LIN7A: variants seen among roughly 807,000 people sequenced by gnomAD.
LIN7A encodes the protein protein lin-7 homolog A.
In LIN7A, 25 loss-of-function variants were observed where a neutral mutation model predicts 29.8. The ratio of observed to expected loss-of-function variants is 0.84; its 90% confidence interval spans 0.61 to 1.17. The LOEUF is 1.17. LIN7A is among the 50% of genes most tolerant of loss of function. The probability of loss-of-function intolerance (pLI) is 0.00; values close to 1 mark genes in which losing one functional copy is unlikely to be tolerated. For missense variants in LIN7A, 239 were observed against 287.0 expected (o/e 0.83, Z 1.21); for synonymous variants, 118 against 107.5 (o/e 1.10, Z -0.60).
intron 5 of LIN7A, among the ~76,000 whole-genome samples, chr12:80,798,634 T>C (rs1269967900): frequency 2.0e-5 from 3 of 152,208 alleles, no homozygotes; most frequent in Admixed American, 2.0e-4. Flanking sequence ...GAAAATTTAT[T>C]GAGTGCTCAC....
chr12:80,891,393 C>T (rs143246096), intron 1 of LIN7A, among the ~76,000 whole-genome samples: 89 of 152,324 alleles, frequency 5.8e-4, no homozygotes, highest in African/African-American at 2.0e-3. Flanking sequence ...TCTTCTCGCT[C>T]ATCTCAGAAC....
chr12:80,845,820 G>A lies in LIN7A; in HGVS notation c.393C>T (p.Pro131=), dbSNP rs1388634312. Reference sequence around the variant, plus strand: ...CAGGAATTATGCGAGAGATATAAATGGGGGAATTTTGCTCCTTTCCTCCCA... The same window carrying A: ...CAGGAATTATGCGAGAGATATAAATAGGGGAATTTTGCTCCTTTCCTCCCA... ...NVMGGKEQNS[P]IYISRIIPGG... The change falls in exon 4 of 6, where the codon CCC becomes CCT. Residue 131 remains proline, a synonymous_variant. Transcript: ENST00000552864. 2 of 1,613,858 alleles carry A rather than the reference G, an allele frequency of 1.2e-6. No homozygotes were observed. The highest frequency in any genetic ancestry group is 1.7e-6 in the Non-Finnish European group (2 of 1,179,910).
In LIN7A at chr12:80,797,151, G is replaced by C. The variant is rs1243469857; in HGVS notation, c.*576C>G. 1 of 152,144 alleles carries C rather than the reference G, an allele frequency of 6.6e-6. No homozygotes were observed. The highest frequency in any genetic ancestry group is 1.5e-5 in the Non-Finnish European group (1 of 68,022). 9.4% of individuals were successfully genotyped at this position (152,144 alleles called of 1,614,324 possible). A position where few individuals can be genotyped will look rare whatever the true frequency, so the allele number is the denominator to read the frequency against. Reference sequence around the variant, plus strand: ...ATGGAAACAAAAGAAAAAGCCGATTGCTTCTAGAACCTGAAGAAAATATAA... The same window carrying C: ...ATGGAAACAAAAGAAAAAGCCGATTCCTTCTAGAACCTGAAGAAAATATAA... On this transcript the variant is annotated 3_prime_UTR_variant, in exon 6 of 6. Coordinates refer to ENST00000552864, the MANE Select transcript of LIN7A (RefSeq NM_004664.4).
chr12:80,936,635 C>T (rs1227045703), intron 1 of LIN7A: 1 of 152,474 alleles, frequency 6.6e-6, no homozygotes, highest in Non-Finnish European at 1.5e-5. Context: ...TCACTGGACG[C>T]TGGAGCCAGG....
At chr12:80,842,588 A>G (rs1057224707) in intron 4 of LIN7A, among the ~76,000 whole-genome samples, 14 of 151,824 alleles carry the variant, frequency 9.2e-5, no homozygotes, top group African/African-American at 3.1e-4. Flanking sequence ...AAATCATTCA[A>G]TCATTTGCTA....
intron 4 of LIN7A, among the ~76,000 whole-genome samples, chr12:80,841,506 T>C (rs1290690312): frequency 1.3e-5 from 2 of 152,126 alleles, no homozygotes; most frequent in East Asian, 1.9e-4. Flanking sequence ...AATCACATTA[T>C]GTTTTGTCCC....
At chr12:80,882,296 T>TTTTTTTTTTTTTTTTTTTTTC in intron 2 of LIN7A, among the ~76,000 whole-genome samples, 1 of 101,156 alleles carries the variant, frequency 9.9e-6, no homozygotes, top group Non-Finnish European at 2.6e-5. Flanking sequence ...TCTTTTTTTT[T>TTTTTTTTTTTTTTTTTTTTTC]TTTTTTGAGA....
At chr12:80,881,119 G>C (rs1015159926) in intron 2 of LIN7A, among the ~76,000 whole-genome samples, 9 of 150,280 alleles carry the variant, frequency 6.0e-5, no homozygotes, top group Non-Finnish European at 1.3e-4. Context: ...ATAAGTTTTG[G>C]TAAATTTCCA....
At chr12:80,857,739 G>T (rs1873675060) in intron 2 of LIN7A, among the ~76,000 whole-genome samples, 1 of 152,134 alleles carries the variant, frequency 6.6e-6, no homozygotes, top group African/African-American at 2.4e-5. Context: ...CATCTCCAAT[G>T]CTCAGATTAG....
At chr12:80,801,238 A>G (rs1411505258) in intron 5 of LIN7A, among the ~76,000 whole-genome samples, 1 of 152,200 alleles carries the variant, frequency 6.6e-6, no homozygotes, top group African/African-American at 2.4e-5. Context: ...TCATACACAA[A>G]CATCAAATGT....
intron 5 of LIN7A, among the ~76,000 whole-genome samples, chr12:80,806,077 T>TA (rs900296015): frequency 3.3e-5 from 5 of 151,552 alleles, no homozygotes; most frequent in South Asian, 2.1e-4. Context: ...GACTCTGTAT[T>TA]AAAAAAACAA....
intron 4 of LIN7A, among the ~76,000 whole-genome samples, chr12:80,833,092 G>A (rs1286854046): frequency 4.6e-5 from 7 of 152,174 alleles, no homozygotes; most frequent in South Asian, 2.1e-4. Flanking sequence ...GTTCTACTTC[G>A]AAATGCTGTC....
At chr12:80,842,049 G>A in intron 4 of LIN7A, 1 of 1,285,568 alleles carries the variant, frequency 7.8e-7, no homozygotes, top group Non-Finnish European at 1.0e-6. Flanking sequence ...TTCTCTTGGT[G>A]CCTAGGGATA....
chr12:80,808,201 T>C (rs1420848041), intron 5 of LIN7A, among the ~76,000 whole-genome samples: 2 of 152,232 alleles, frequency 1.3e-5, no homozygotes, highest in Non-Finnish European at 2.9e-5. Flanking sequence ...TCCTGGCTTC[T>C]TGTGATTCAG....
At chr12:80,856,931 C>A (rs1873630771) in intron 2 of LIN7A, among the ~76,000 whole-genome samples, 1 of 152,164 alleles carries the variant, frequency 6.6e-6, no homozygotes, top group Admixed American at 6.5e-5. Flanking sequence ...AACTTCCTGC[C>A]CATTGGCACA....
intron 1 of LIN7A, among the ~76,000 whole-genome samples, chr12:80,903,983 C>G (rs1229303831): frequency 6.6e-6 from 1 of 151,936 alleles, no homozygotes; most frequent in African/African-American, 2.4e-5. Context: ...AAGTATAAAT[C>G]CTAGTCCTAG....
At chr12:80,937,501 C>T (rs1592966887) in intron 1 of LIN7A, 140 bp downstream of exon 1, 2 of 490,784 alleles carry the variant, frequency 4.1e-6, no homozygotes. Context: ...CTGTTCTCGG[C>T]GCGAACGCCT....
At chr12:80,925,292 C>A (rs999661084) in intron 1 of LIN7A, among the ~76,000 whole-genome samples, 1 of 152,140 alleles carries the variant, frequency 6.6e-6, no homozygotes, top group African/African-American at 2.4e-5. Context: ...GGGGCAAGAG[C>A]AGAATGGCAA....
At chr12:80,864,171 T>C (rs1413016090) in intron 2 of LIN7A, among the ~76,000 whole-genome samples, 1 of 152,294 alleles carries the variant, frequency 6.6e-6, no homozygotes, top group Non-Finnish European at 1.5e-5. Flanking sequence ...ATTATTTCTG[T>C]GTTGAAATCA....
Sources: gnomAD v4.1 joint callset for allele counts (sites outside exome capture counted in the v4.1 genomes callset) on GRCh38, gnomAD v4.1.1 for gene constraint, MANE v1.5 for transcripts, NCBI Gene and HGNC (gene_info 2026-07-23, HGNC 2026-07-21) for gene names.